RSBN1L: variants seen among roughly 807,000 people sequenced by gnomAD.
The protein encoded by RSBN1L is lysine-specific demethylase RSBN1L.
RSBN1L carries 30 observed loss-of-function variants against 67.7 expected under a neutral mutation model. The observed-to-expected ratio is 0.44, with a 90% confidence interval of 0.33 to 0.60. RSBN1L has a LOEUF of 0.60. Ranked by LOEUF, RSBN1L falls within the 20% of genes least tolerant of loss-of-function variation. The pLI, the probability that RSBN1L is intolerant of heterozygous loss-of-function variation, is 0.02. For synonymous variants in RSBN1L, 433 were observed against 387.0 expected (o/e 1.12, Z -1.39); for missense variants, 992 against 1,031.7 (o/e 0.96, Z 0.53).
chr7:77,696,632 A>G lies in RSBN1L; in HGVS notation c.163A>G (p.Arg55Gly), dbSNP rs1790730159. The part of the protein sequence containing the change: ...VRTEEKKAPR[R>G]VNGEGGSGGN... ...GACTGAGGAGAAGAAGGCACCGCGG[A>G]GAGTGAACGGAGAAGGGGGCAGCGG... Residue 55 changes from arginine (R) to glycine (G), a missense_variant, in exon 1 of 8, where the codon AGA becomes GGA. Physicochemically the swap from Arg to Gly is moderately radical, Grantham distance 125. Around this residue, in one of 7 missense-constraint regions of RSBN1L, gnomAD observed 575 missense variants for 483.2 expected, o/e 1.19. Transcript: ENST00000334955. 1 of 1,613,884 alleles carries G rather than the reference A, an allele frequency of 6.2e-7. No individual in the cohort carries two copies.
At chr7:77,757,430 G>T (rs1267771317) in intron 3 of RSBN1L, among the ~76,000 whole-genome samples, 1 of 152,216 alleles carries the variant, frequency 6.6e-6, no homozygotes, top group East Asian at 1.9e-4. Context: ...TGAGGTTAGT[G>T]ATATATTAGG....
rs772768773 is a variant in RSBN1L at position 77,749,629 on chromosome 7, C to T, written c.909C>T (p.Tyr303=). The T allele has an allele frequency of 1.5e-5, 25 of 1,613,622 alleles. No homozygotes were observed. The highest frequency in any genetic ancestry group is 1.6e-4 in the Middle Eastern group (1 of 6,084). ...TCCTAAATGATAACATAAAAGATTA[C>T]GTTGGGAAGAATTTGGATACCAAGA... ...KGILNDNIKD[Y]VGKNLDTKNY... Residue 303 remains tyrosine (Y), a synonymous_variant, in exon 3 of 8, where the codon TAC becomes TAT. Transcript: ENST00000334955.
At chr7:77,733,851 G>A (rs780855822) in intron 1 of RSBN1L, among the ~76,000 whole-genome samples, 4 of 152,242 alleles carry the variant, frequency 2.6e-5, no homozygotes, top group African/African-American at 7.2e-5. Flanking sequence ...TGTTGGCTGG[G>A]TGTGGTGGCT....
At chr7:77,724,778 TAAA>T (rs1262083688) in intron 1 of RSBN1L, among the ~76,000 whole-genome samples, 1 of 151,626 alleles carries the variant, frequency 6.6e-6, no homozygotes, top group African/African-American at 2.4e-5. Flanking sequence ...GTAAATGAAA[TAAA>T]AACCAGAAGT....
At chr7:77,718,978 C>A (rs1203420708) in intron 1 of RSBN1L, among the ~76,000 whole-genome samples, 1 of 152,182 alleles carries the variant, frequency 6.6e-6, no homozygotes, top group East Asian at 1.9e-4. Flanking sequence ...CCTTCTCTTT[C>A]TCCAAGTTGT....
At chr7:77,770,810 TAAC>T (rs1562810240) in intron 5 of RSBN1L, among the ~76,000 whole-genome samples, 1 of 152,166 alleles carries the variant, frequency 6.6e-6, no homozygotes, top group Non-Finnish European at 1.5e-5. Flanking sequence ...TCCAAAGAAA[TAAC>T]AAAACCCTAC....
At chr7:77,761,428 ACCTCACCGC>A (rs1791695856) in intron 3 of RSBN1L, among the ~76,000 whole-genome samples, 1 of 152,094 alleles carries the variant, frequency 6.6e-6, no homozygotes, top group Non-Finnish European at 1.5e-5. Flanking sequence ...TACCTCTTCC[ACCTCACCGC>A]CCTTGAGTTC....
chr7:77,709,039 G>T (rs75763926), intron 1 of RSBN1L, among the ~76,000 whole-genome samples: 1 of 152,128 alleles, frequency 6.6e-6, no homozygotes, highest in Non-Finnish European at 1.5e-5. Context: ...AACTGAGTTT[G>T]AAATGTAGGC....
intron 1 of RSBN1L, among the ~76,000 whole-genome samples, chr7:77,700,921 C>A (rs1790807050): frequency 6.6e-6 from 1 of 152,124 alleles, no homozygotes. Flanking sequence ...CTTCGGGAGG[C>A]TGAAGCTGGC....
intron 1 of RSBN1L, among the ~76,000 whole-genome samples, chr7:77,702,715 T>G (rs950927323): frequency 1.3e-5 from 2 of 152,222 alleles, no homozygotes; most frequent in African/African-American, 4.8e-5. Context: ...GAAATTAATT[T>G]TTTTATAATT....
chr7:77,701,168 AAACAACAAC>A (rs1207103569), intron 1 of RSBN1L, among the ~76,000 whole-genome samples: 1,586 of 135,578 alleles, frequency 0.012, 103 homozygotes, highest in Middle Eastern at 0.034. Flanking sequence ...AAAAAAAAAA[AAACAACAAC>A]AACAACAACA....
chr7:77,780,276 C>G lies in RSBN1L; in HGVS notation c.*1108C>G, dbSNP rs1403510250. ...AGATCAATATGTGAAATTCCTTAGC[C>G]CTTCTCCCCAAAATACATTGAAAAA... On this transcript the variant is annotated 3_prime_UTR_variant, in exon 8 of 8. Coordinates refer to ENST00000334955, the MANE Select transcript of RSBN1L (RefSeq NM_198467.3). 1 of 151,918 alleles carries G rather than the reference C, an allele frequency of 6.6e-6. No homozygotes were observed. Among genetic ancestry groups the G allele is most frequent in the African/African-American group, 2.4e-5 (1 of 41,342 alleles). The allele number at this position is 151,918 out of a possible 1,614,324, so 9.4% of individuals were successfully genotyped here.
intron 5 of RSBN1L, among the ~76,000 whole-genome samples, chr7:77,772,451 G>C (rs896528805): frequency 6.6e-6 from 1 of 152,358 alleles, no homozygotes; most frequent in African/African-American, 2.4e-5. Flanking sequence ...TCTGCAATGA[G>C]TGAGGCTAAG....
chr7:77,722,473 A>AC (rs1467364930), intron 1 of RSBN1L, among the ~76,000 whole-genome samples: 1 of 152,182 alleles, frequency 6.6e-6, no homozygotes, highest in Non-Finnish European at 1.5e-5. Flanking sequence ...AGTGAGGTCC[A>AC]CGGAAAAAAG....
chr7:77,726,268 C>CT (rs1791202214), intron 1 of RSBN1L, among the ~76,000 whole-genome samples: 1 of 152,080 alleles, frequency 6.6e-6, no homozygotes, highest in African/African-American at 2.4e-5. Flanking sequence ...GTCTTATATC[C>CT]TTTTTCTGTT....
chr7:77,739,660 G>T (rs1381035617), intron 2 of RSBN1L, among the ~76,000 whole-genome samples: 1 of 120,846 alleles, frequency 8.3e-6, no homozygotes, highest in African/African-American at 3.1e-5. Context: ...CTGCAGCCGA[G>T]ATTGTGCCAC....
At chr7:77,726,311 T>A (rs1791202577) in intron 1 of RSBN1L, among the ~76,000 whole-genome samples, 1 of 152,230 alleles carries the variant, frequency 6.6e-6, no homozygotes. Context: ...GTATTACATT[T>A]AATCATCATG....
intron 6 of RSBN1L, among the ~76,000 whole-genome samples, chr7:77,776,055 T>TG (rs1791910664): frequency 1.0e-5 from 1 of 97,172 alleles, no homozygotes; most frequent in Non-Finnish European, 1.9e-5. Context: ...AGACTCCGTC[T>TG]CAAAAAAAAA....
chr7:77,725,964 A>G (rs1052840201), intron 1 of RSBN1L, among the ~76,000 whole-genome samples: 1 of 152,068 alleles, frequency 6.6e-6, no homozygotes, highest in African/African-American at 2.4e-5. Flanking sequence ...TTTTTAGTTA[A>G]CAGTGTGTCT....
Sources: gnomAD v4.1 joint callset for allele counts (sites outside exome capture counted in the v4.1 genomes callset) on GRCh38, gnomAD v4.1.1 for gene constraint, gnomAD v4.1.1 regional missense constraint, MANE v1.5 for transcripts, NCBI Gene and HGNC (gene_info 2026-07-23, HGNC 2026-07-21) for gene names.